The following DNAH14 variants were observed in gnomAD, a reference collection of about 807,000 sequenced individuals.
DNAH14 encodes dynein axonemal heavy chain 14, also known as axonemal beta dynein heavy chain 14.
DNAH14 carries 478 observed loss-of-function variants against 520.9 expected under a neutral mutation model. The ratio of observed to expected loss-of-function variants is 0.92; its 90% confidence interval spans 0.85 to 0.99. The LOEUF is 0.99. DNAH14 is among the 50% of genes least tolerant of loss of function. DNAH14 has a pLI of 0.00. For missense variants in DNAH14, 4,831 were observed against 5,234.5 expected (o/e 0.92, Z 2.38); for synonymous variants, 1,581 against 1,757.2 (o/e 0.90, Z 2.51).
At chr1:225,181,454 A>G (rs990307414) in intron 36 of DNAH14, among the ~76,000 whole-genome samples, 1 of 152,202 alleles carries the variant, frequency 6.6e-6, no homozygotes, top group African/African-American at 2.4e-5. Flanking sequence ...AACAGTGTAT[A>G]AGTATGCCCT....
intron 41 of DNAH14, among the ~76,000 whole-genome samples, chr1:225,225,673 AT>A (rs2090466068): frequency 6.6e-6 from 1 of 152,198 alleles, no homozygotes. Context: ...TCAATCAACC[AT>A]AAAAAAGCAT....
chr1:224,954,376 T>C (rs955773387), intron 2 of DNAH14: 1 of 152,236 alleles, frequency 6.6e-6, no homozygotes, highest in African/African-American at 2.4e-5. Context: ...TAAGACTTTA[T>C]GGAACCTAGA....
chr1:225,252,200 C>T (rs1272507152), intron 43 of DNAH14, 101 bp from the exon 44 acceptor site: 19 of 734,136 alleles, frequency 2.6e-5, no homozygotes, highest in Non-Finnish European at 4.6e-5. Context: ...CTTATTATTT[C>T]TTGTTCAACA....
intron 41 of DNAH14, 55 bp from the exon 42 acceptor site, chr1:225,231,018 C>T (rs2091055399): frequency 8.0e-7 from 1 of 1,255,836 alleles, no homozygotes; most frequent in African/African-American, 1.5e-5. Context: ...ATTAGTTTAC[C>T]AGATAAATTT....
intron 17 of DNAH14, among the ~76,000 whole-genome samples, chr1:225,078,090 A>G (rs1475784981): frequency 6.6e-6 from 1 of 152,348 alleles, no homozygotes; most frequent in Admixed American, 6.5e-5. Flanking sequence ...AAATGCAATT[A>G]CTTCAAGCAT....
chr1:225,124,798 G>A (rs2077568408), intron 27 of DNAH14, among the ~76,000 whole-genome samples: 2 of 151,912 alleles, frequency 1.3e-5, no homozygotes, highest in Non-Finnish European at 2.9e-5. Context: ...TTTCCAGAAG[G>A]TTTTCTATTT....
intron 43 of DNAH14, among the ~76,000 whole-genome samples, chr1:225,244,557 A>C (rs2092161723): frequency 6.6e-6 from 1 of 152,056 alleles, no homozygotes; most frequent in Non-Finnish European, 1.5e-5. Flanking sequence ...TCAGGGATTC[A>C]TCTTCTTCCT....
At chr1:225,390,295 C>T (rs1448594329) in intron 83 of DNAH14, among the ~76,000 whole-genome samples, 1 of 152,112 alleles carries the variant, frequency 6.6e-6, no homozygotes, top group Non-Finnish European at 1.5e-5. Context: ...AATGCTGGAA[C>T]CTAGGCCTTA....
At chr1:225,123,866 C>T (rs1300855138) in intron 27 of DNAH14, among the ~76,000 whole-genome samples, 2 of 152,142 alleles carry the variant, frequency 1.3e-5, no homozygotes, top group Non-Finnish European at 2.9e-5. Flanking sequence ...GATTCTGCTG[C>T]CTCAGCCTCC....
intron 73 of DNAH14, chr1:225,354,352 C>T: frequency 3.0e-6 from 2 of 660,366 alleles, no homozygotes; most frequent in Non-Finnish European, 2.8e-6. Context: ...CCAACATGAC[C>T]TTTATTATTA....
chr1:225,112,148 CAT>C (rs1427520106), intron 23 of DNAH14, among the ~76,000 whole-genome samples: 3 of 152,136 alleles, frequency 2.0e-5, no homozygotes, highest in Admixed American at 6.5e-5. Context: ...TCTTGTATAA[CAT>C]GTGTCATCTT....
chr1:225,282,912 G>A (rs1336029996), intron 54 of DNAH14, among the ~76,000 whole-genome samples: 2 of 152,014 alleles, frequency 1.3e-5, no homozygotes, highest in Non-Finnish European at 2.9e-5. Context: ...ATTGGTAGGA[G>A]TTATTTATAT....
At chr1:225,223,236 A>T (rs571920362) in intron 41 of DNAH14, among the ~76,000 whole-genome samples, 1 of 152,318 alleles carries the variant, frequency 6.6e-6, no homozygotes, top group East Asian at 1.9e-4. Flanking sequence ...AATCAGGTAT[A>T]CAAACCCATT....
intron 49 of DNAH14, among the ~76,000 whole-genome samples, chr1:225,270,468 T>C (rs1164986522): frequency 1.3e-5 from 2 of 152,114 alleles, no homozygotes; most frequent in Non-Finnish European, 2.9e-5. Context: ...ATTTAAAGTA[T>C]AATAATTTTA....
At chr1:225,361,696 G>C (rs1336472966) in intron 75 of DNAH14, among the ~76,000 whole-genome samples, 1 of 152,216 alleles carries the variant, frequency 6.6e-6, no homozygotes, top group Non-Finnish European at 1.5e-5. Flanking sequence ...TCACTCATGA[G>C]TTATCAGATT....
intron 38 of DNAH14, among the ~76,000 whole-genome samples, chr1:225,196,394 C>T (rs913698512): frequency 4.6e-5 from 7 of 152,096 alleles, no homozygotes; most frequent in African/African-American, 7.2e-5. Flanking sequence ...ATATATACAA[C>T]AGTTTCATTA....
At chr1:224,934,718 C>G (rs1034901991) in intron 1 of DNAH14, among the ~76,000 whole-genome samples, 5 of 151,386 alleles carry the variant, frequency 3.3e-5, no homozygotes, top group Non-Finnish European at 7.4e-5. Flanking sequence ...GAAAAGATCC[C>G]CACGGCACAT....
chr1:225,090,126 A>G (rs368818559), intron 21 of DNAH14, among the ~76,000 whole-genome samples: 43 of 152,336 alleles, frequency 2.8e-4, no homozygotes, highest in African/African-American at 9.9e-4. Flanking sequence ...ATTAGTATAC[A>G]AAGTCAAATT....
intron 27 of DNAH14, among the ~76,000 whole-genome samples, chr1:225,134,164 T>A (rs2078741802): frequency 6.6e-6 from 1 of 152,204 alleles, no homozygotes; most frequent in African/African-American, 2.4e-5. Context: ...GATCATGCCA[T>A]GTGCAAATAA....
Sources: gnomAD v4.1 joint callset for allele counts (sites outside exome capture counted in the v4.1 genomes callset) on GRCh38, gnomAD v4.1.1 for gene constraint, MANE v1.5 for transcripts, NCBI Gene and HGNC (gene_info 2026-07-23, HGNC 2026-07-21) for gene names.